The following CNTN5 variants were observed in gnomAD, a reference collection of about 807,000 sequenced individuals.
CNTN5 encodes the protein contactin-5.
In CNTN5, 77 loss-of-function variants were observed where a neutral mutation model predicts 129.1. That is an observed-to-expected ratio of 0.60 (90% CI 0.50 to 0.72). The LOEUF (loss-of-function observed/expected upper bound fraction) is 0.72, where lower values mean the gene tolerates loss of function less well. Ranked by LOEUF, CNTN5 falls within the 30% of genes least tolerant of loss-of-function variation. The pLI, the probability that CNTN5 is intolerant of heterozygous loss-of-function variation, is 0.00. For synonymous variants in CNTN5, 509 were observed against 465.6 expected, an observed-to-expected ratio of 1.09 and a Z score of -1.20; for missense variants, 1,478 against 1,328.8, an observed-to-expected ratio of 1.11 and a Z score of -1.75.
At chr11:99,197,309 A>T (rs1858953295) in intron 1 of CNTN5, among the ~76,000 whole-genome samples, 1 of 151,986 alleles carries the variant, frequency 6.6e-6, no homozygotes, top group African/African-American at 2.4e-5. Context: ...ATAGATGTTG[A>T]AGCCATAGAT....
chr11:99,378,386 T>G (rs1418295341), intron 2 of CNTN5, among the ~76,000 whole-genome samples: 1 of 152,138 alleles, frequency 6.6e-6, no homozygotes, highest in Non-Finnish European at 1.5e-5. Context: ...TAGTCATAAC[T>G]GTCAAACTCT....
intron 3 of CNTN5, among the ~76,000 whole-genome samples, chr11:99,594,676 G>A (rs1374032006): frequency 6.6e-6 from 1 of 152,186 alleles, no homozygotes; most frequent in Non-Finnish European, 1.5e-5. Flanking sequence ...GTAGCATCAG[G>A]TTTGCCCAGC....
chr11:99,343,960 T>G (rs1866637598), intron 2 of CNTN5, among the ~76,000 whole-genome samples: 1 of 152,150 alleles, frequency 6.6e-6, no homozygotes. Context: ...AAATCCAACA[T>G]TTGAAAATGA....
At chr11:99,300,534 A>G (rs912959396) in intron 1 of CNTN5, among the ~76,000 whole-genome samples, 40 of 152,044 alleles carry the variant, frequency 2.6e-4, no homozygotes, top group Admixed American at 3.3e-4. Flanking sequence ...TTTGTTGAGG[A>G]TATTTGTATC....
In CNTN5 at chr11:100,238,496, CAGG is replaced by C. The variant is rs1377631859; in HGVS notation, c.2005+13693_2005+13695del. On this transcript the variant is annotated intron_variant, in intron 16 of 24. Transcript: ENST00000524871. ...GGAGGAGAAGCAGAAGCAGCAGCAGCAGGAGGAGGAGAAGGGGGAAGAGGAGGA... is the reference window on the plus strand; with the variant it reads ...GGAGGAGAAGCAGAAGCAGCAGCAGCAGGAGGAGAAGGGGGAAGAGGAGGA... 8.2e-4 allele frequency among the ~76,000 whole-genome samples: 94 copies of C among 114,818 alleles called. 2 individuals carry two copies. The highest frequency in any genetic ancestry group is 3.0e-3 in the African/African-American group (86 of 28,294). The allele number at this position is 114,818 out of a possible 152,430, so 75.3% of individuals were successfully genotyped here.
intron 9 of CNTN5, among the ~76,000 whole-genome samples, chr11:100,042,844 T>C (rs1328383044): frequency 6.6e-6 from 1 of 152,200 alleles, no homozygotes; most frequent in Non-Finnish European, 1.5e-5. Flanking sequence ...CGGTATGATA[T>C]TAGCTTTAAA....
intron 3 of CNTN5, among the ~76,000 whole-genome samples, chr11:99,632,219 G>T (rs1242941512): frequency 6.6e-6 from 1 of 152,060 alleles, no homozygotes; most frequent in East Asian, 1.9e-4. Flanking sequence ...GTACAAATAT[G>T]TACATGTAAT....
intron 3 of CNTN5, among the ~76,000 whole-genome samples, chr11:99,668,825 T>C (rs1952909195): frequency 6.6e-6 from 1 of 152,076 alleles, no homozygotes; most frequent in Non-Finnish European, 1.5e-5. Flanking sequence ...TCCTAGCTAC[T>C]CGGGAAGTTG....
At chr11:99,826,830 G>T (rs1946974884) in intron 4 of CNTN5, among the ~76,000 whole-genome samples, 1 of 152,164 alleles carries the variant, frequency 6.6e-6, no homozygotes, top group South Asian at 2.1e-4. Flanking sequence ...GCAGTTGCCT[G>T]TGAGACCTCT....
intron 6 of CNTN5, among the ~76,000 whole-genome samples, chr11:99,864,547 G>T (rs1042969226): frequency 6.6e-6 from 1 of 152,034 alleles, no homozygotes; most frequent in African/African-American, 2.4e-5. Context: ...GCCCATTAGG[G>T]TCTTGTTTTC....
At chr11:100,278,308 T>C (rs1950560292) in intron 18 of CNTN5, among the ~76,000 whole-genome samples, 1 of 151,956 alleles carries the variant, frequency 6.6e-6, no homozygotes, top group Non-Finnish European at 1.5e-5. Flanking sequence ...TTTTGTGATC[T>C]GATATAAACT....
intron 3 of CNTN5, among the ~76,000 whole-genome samples, chr11:99,749,690 G>C (rs1944168612): frequency 6.6e-6 from 1 of 152,158 alleles, no homozygotes; most frequent in Non-Finnish European, 1.5e-5. Context: ...AATTCCAATA[G>C]AATTTTCTCA....
At chr11:99,041,181 T>C (rs1479169544) in intron 1 of CNTN5, among the ~76,000 whole-genome samples, 1 of 152,162 alleles carries the variant, frequency 6.6e-6, no homozygotes, top group Non-Finnish European at 1.5e-5. Flanking sequence ...AACTTTTCTC[T>C]TTATTTTAAA....
intron 9 of CNTN5, among the ~76,000 whole-genome samples, chr11:100,034,933 A>G (rs899089764): frequency 6.6e-6 from 1 of 152,150 alleles, no homozygotes; most frequent in Non-Finnish European, 1.5e-5. Context: ...GTGCTAGTGA[A>G]GCAACAACCA....
At position 99,911,256 on chromosome 11, in the gene CNTN5, T is replaced by C. The variant is rs137967911; in HGVS notation, c.578-4798T>C. ...GTTCACAGCACTTTTAGAGAATTAA[T>C]TGAGAATCCTTGGAGCACTGATAGT... is the stretch of plus-strand genomic sequence containing the variant. On this transcript the variant is annotated intron_variant, in intron 6 of 24. Coordinates refer to ENST00000524871, the MANE Select transcript of CNTN5 (RefSeq NM_014361.4). 3.7e-3 allele frequency among the ~76,000 whole-genome samples: 558 copies of C among 152,122 alleles called. 6 individuals are homozygous for C. Among genetic ancestry groups the C allele is most frequent in the African/African-American group, 0.012 (500 of 41,534 alleles).
chr11:100,059,889 A>T (rs1263068942), intron 9 of CNTN5, among the ~76,000 whole-genome samples: 2 of 152,200 alleles, frequency 1.3e-5, no homozygotes, highest in Admixed American at 6.5e-5. Context: ...AAGGTTATTT[A>T]TAGCAGCATT....
intron 1 of CNTN5, among the ~76,000 whole-genome samples, chr11:99,139,453 A>G (rs935960121): frequency 6.6e-6 from 1 of 152,190 alleles, no homozygotes; most frequent in Non-Finnish European, 1.5e-5. Flanking sequence ...GTGGTGACCT[A>G]AATAAAAAAT....
chr11:99,728,782 C>T (rs193059396), intron 3 of CNTN5, among the ~76,000 whole-genome samples: 1 of 152,108 alleles, frequency 6.6e-6, no homozygotes, highest in Non-Finnish European at 1.5e-5. Flanking sequence ...AGTCTGAGGT[C>T]TGAGGAGTTA....
At chr11:99,330,284 G>C (rs192665305) in intron 2 of CNTN5, among the ~76,000 whole-genome samples, 1 of 151,374 alleles carries the variant, frequency 6.6e-6, no homozygotes, top group African/African-American at 2.4e-5. Context: ...GGGGAAGAGC[G>C]GGAAGGAGAG....
Sources: allele counts gnomAD v4.1 joint callset (sites outside exome capture counted in the v4.1 genomes callset), GRCh38; gene constraint gnomAD v4.1.1; transcripts MANE v1.5; gene names NCBI Gene and HGNC (gene_info 2026-07-23, HGNC 2026-07-21).